Variants in CMTM7 observed in about 807,000 individuals in gnomAD.
The protein encoded by CMTM7 is CKLF like MARVEL transmembrane domain containing 7.
A neutral mutation model predicts 19.3 loss-of-function variants in CMTM7; 7 were observed. The observed-to-expected ratio is 0.36, with a 90% CI of 0.21 to 0.68. The LOEUF is 0.68. Ranked by LOEUF, CMTM7 falls within the 30% of genes least tolerant of loss-of-function variation. The pLI is 0.60. For synonymous variants in CMTM7, 87 were observed against 99.3 expected (o/e 0.88, Z 0.74); for missense variants, 193 against 232.6 (o/e 0.83, Z 1.11).
chr3:32,426,093 C>T (rs1179004741), intron 1 of CMTM7, among the ~76,000 whole-genome samples: 2 of 152,094 alleles, frequency 1.3e-5, no homozygotes, highest in Admixed American at 6.5e-5. Context: ...TGCGGTGAGC[C>T]AAGATCGCAC....
At chr3:32,441,757 G>A in intron 1 of CMTM7, 83 bp from the exon 2 acceptor site, 3 of 1,186,408 alleles carry the variant, frequency 2.5e-6, no homozygotes, top group Admixed American at 3.7e-5. Flanking sequence ...CCTGCTGGGG[G>A]ATGCTTGGTT....
intron 2 of CMTM7, among the ~76,000 whole-genome samples, chr3:32,442,529 A>T (rs1014288319): frequency 7.1e-6 from 1 of 140,822 alleles, no homozygotes; most frequent in Non-Finnish European, 1.5e-5. Flanking sequence ...AAAAAAAAAG[A>T]AGAAGGCTGT....
At chr3:32,426,102 A>G (rs1405960960) in intron 1 of CMTM7, among the ~76,000 whole-genome samples, 3 of 152,196 alleles carry the variant, frequency 2.0e-5, no homozygotes, top group Admixed American at 6.5e-5. Context: ...CCAAGATCGC[A>G]CCATTGCACT....
chr3:32,411,542 A>G (rs1292055842), intron 1 of CMTM7, among the ~76,000 whole-genome samples: 1 of 152,204 alleles, frequency 6.6e-6, no homozygotes, highest in Non-Finnish European at 1.5e-5. Context: ...ACTAAAAGCC[A>G]TCAGTGCTGG....
rs758541188 is a variant in CMTM7, at chr3:32,442,005, C to T, written c.325C>T (p.Pro109Ser). 23 of 1,613,918 alleles carry T rather than the reference C, an allele frequency of 1.4e-5. No individual in the cohort carries two copies. Among genetic ancestry groups the T allele is most frequent in the South Asian group, 5.5e-5 (5 of 91,060 alleles). ...FYRVLTCISW[P>S]LSELLHYLIG... ...CCGCGTGCTCACCTGTATCAGCTGG[C>T]CCCTGTCGGTAAGAGAGTGGTCTGG... The change falls in exon 2 of 5, where the codon CCC becomes TCC. Residue 109 changes from proline (P) to serine (S), a missense_variant. Coordinates refer to ENST00000334983, the MANE Select transcript of CMTM7 (RefSeq NM_138410.4).
chr3:32,431,988 G>T (rs1696526887), intron 1 of CMTM7, among the ~76,000 whole-genome samples: 1 of 151,942 alleles, frequency 6.6e-6, no homozygotes, highest in African/African-American at 2.4e-5. Flanking sequence ...CCTGGGGGTG[G>T]GTACAAGCTC....
chr3:32,391,922 G>C lies in CMTM7; in HGVS notation c.16G>C (p.Gly6Arg). ...GGGCCGCGCAATGTCGCACGGAGCCGGGCTCGTCCGCACCACGTGCAGCAG... is the reference window on the plus strand; with the variant it reads ...GGGCCGCGCAATGTCGCACGGAGCCCGGCTCGTCCGCACCACGTGCAGCAG... MSHGA[G>R]LVRTTCSSGS... Residue 6 changes from glycine (G) to arginine (R), a missense_variant, in exon 1 of 5, where the codon GGG (glycine) becomes CGG (arginine). Transcript: ENST00000334983. 1.6e-6 allele frequency: 2 copies of C among 1,225,308 alleles called. No individual in the cohort carries two copies. Among genetic ancestry groups the C allele is most frequent in the Non-Finnish European group, 2.0e-6 (2 of 983,660 alleles). The allele number at this position is 1,225,308 out of a possible 1,614,324, so 75.9% of individuals were successfully genotyped here.
chr3:32,412,480 GACACAC>G (rs3081435), intron 1 of CMTM7, among the ~76,000 whole-genome samples: 2,574 of 120,172 alleles, frequency 0.021, 39 homozygotes, highest in African/African-American at 0.046. Context: ...GATTGAGACT[GACACAC>G]ACACACACAC....
At chr3:32,404,142 C>CTTTTTTTTCTTTTTTTTTTTT (rs1559401304) in intron 1 of CMTM7, among the ~76,000 whole-genome samples, 5 of 109,230 alleles carry the variant, frequency 4.6e-5, no homozygotes, top group Non-Finnish European at 5.5e-5. Context: ...TTCTTTCTTT[C>CTTTTTTTTCTTTTTTTTTTTT]TTTTTTTTTC....
chr3:32,437,048 G>A (rs1260462486), intron 1 of CMTM7, among the ~76,000 whole-genome samples: 1 of 152,154 alleles, frequency 6.6e-6, no homozygotes, highest in Non-Finnish European at 1.5e-5. Context: ...TGGTTCCAGA[G>A]TCCTCAGGGG....
In CMTM7 at chr3:32,392,762, G is replaced by A. The variant is rs1695859168; in HGVS notation, c.159+697G>A. Among the ~76,000 whole-genome samples the A allele has an allele frequency of 2.0e-5, 3 of 152,280 alleles. No homozygotes were observed. The South Asian group carries it at 6.2e-4, about 32-fold the overall frequency. ...ATGTAGGGGAGCCAGACTGTTGAATGGGAGTCACCCGTGGAGCCAGGCAGG... is the reference window on the plus strand; with the variant it reads ...ATGTAGGGGAGCCAGACTGTTGAATAGGAGTCACCCGTGGAGCCAGGCAGG... On this transcript the variant is annotated intron_variant, in intron 1 of 4. Coordinates refer to ENST00000334983, the MANE Select transcript of CMTM7 (RefSeq NM_138410.4).
rs940561578 is a variant in CMTM7 at position 32,391,899 on chromosome 3, G to C, written c.-8G>C. On this transcript the variant is annotated 5_prime_UTR_variant, in exon 1 of 5. Coordinates refer to ENST00000334983, the MANE Select transcript of CMTM7 (RefSeq NM_138410.4). ...CCGGGGAGGCGGCCAGCGAGCTGGG[G>C]CCGCGCAATGTCGCACGGAGCCGGG... The C allele has an allele frequency of 1.2e-5, 15 of 1,218,296 alleles. No homozygotes were observed. The highest frequency in any genetic ancestry group is 8.6e-5 in the Admixed American group (2 of 23,132). 75.5% of individuals were successfully genotyped at this position (1,218,296 alleles called of 1,614,324 possible).
chr3:32,450,638 T>C (rs1261179143), intron 3 of CMTM7, among the ~76,000 whole-genome samples: 1 of 151,944 alleles, frequency 6.6e-6, no homozygotes, highest in Non-Finnish European at 1.5e-5. Flanking sequence ...CCATCACACC[T>C]CTCTGCCCCC....
At chr3:32,441,314 A>G (rs1294187695) in intron 1 of CMTM7, among the ~76,000 whole-genome samples, 2 of 152,216 alleles carry the variant, frequency 1.3e-5, no homozygotes, top group Non-Finnish European at 2.9e-5. Flanking sequence ...AGGGTTCTGC[A>G]TGGCCTTAGC....
rs958640778 is a variant in CMTM7 at position 32,450,137 on chromosome 3, A to G, written c.432+585A>G. Among the ~76,000 whole-genome samples the G allele has an allele frequency of 7.9e-5, 12 of 152,362 alleles. No homozygotes were observed. In the East Asian group the frequency reaches 1.9e-3, roughly 24 times the overall value. ...TATATGTATATACATACAGATGTAT[A>G]TGCTATTTTTTTAAAGATTCATAGA... On this transcript the variant is annotated intron_variant, in intron 3 of 4. Transcript: ENST00000334983.
chr3:32,393,863 G>A (rs1392896913), intron 1 of CMTM7, among the ~76,000 whole-genome samples: 1 of 152,104 alleles, frequency 6.6e-6, no homozygotes, highest in East Asian at 1.9e-4. Flanking sequence ...AAGATACTGG[G>A]AGATGAGAAA....
At chr3:32,398,580 C>G (rs1053290986) in intron 1 of CMTM7, among the ~76,000 whole-genome samples, 1 of 151,860 alleles carries the variant, frequency 6.6e-6, no homozygotes, top group Non-Finnish European at 1.5e-5. Context: ...AGGAGAAGTA[C>G]TCAGTGGTAT....
At chr3:32,397,837 C>T (rs9820220) in intron 1 of CMTM7, among the ~76,000 whole-genome samples, 7,871 of 152,178 alleles carry the variant, frequency 0.052, 265 homozygotes, top group East Asian at 0.11. Flanking sequence ...GGCTTTCTCT[C>T]GGCCTTTATT....
chr3:32,432,563 G>C (rs1230196313), intron 1 of CMTM7, among the ~76,000 whole-genome samples: 1 of 152,214 alleles, frequency 6.6e-6, no homozygotes, highest in African/African-American at 2.4e-5. Context: ...TGCTGAGCCG[G>C]GCTGCCTGGG....
Sources: allele counts gnomAD v4.1 joint callset (sites outside exome capture counted in the v4.1 genomes callset), GRCh38; gene constraint gnomAD v4.1.1; transcripts MANE v1.5; gene names NCBI Gene and HGNC (gene_info 2026-07-23, HGNC 2026-07-21).